Variants in TNRC6B observed in about 807,000 individuals in gnomAD.
The protein encoded by TNRC6B is trinucleotide repeat containing adaptor 6B.
A neutral mutation model predicts 203.6 loss-of-function variants in TNRC6B; 52 were observed. The ratio of observed to expected loss-of-function variants is 0.26; its 90% CI spans 0.20 to 0.32. The LOEUF (loss-of-function observed/expected upper bound fraction) is 0.32, where lower values mean the gene tolerates loss of function less well. Among genes scored for constraint, TNRC6B ranks in the 10% least tolerant of loss-of-function variants. The pLI, the probability that TNRC6B is intolerant of heterozygous loss-of-function variation, is 1.00. For synonymous variants in TNRC6B, 838 were observed against 845.7 expected, an observed-to-expected ratio of 0.99 and a Z score of 0.16; for missense variants, 1,923 against 2,286.2, an observed-to-expected ratio of 0.84 and a Z score of 3.24.
intron 1 of TNRC6B, among the ~76,000 whole-genome samples, chr22:40,079,551 A>C (rs73422381): frequency 0.044 from 6,681 of 151,640 alleles, 444 homozygotes; most frequent in African/African-American, 0.14. Flanking sequence ...TTTATTATTT[A>C]TATTTAATCC....
intron 4 of TNRC6B, among the ~76,000 whole-genome samples, chr22:40,164,267 A>G (rs924756155): frequency 6.6e-6 from 1 of 151,372 alleles, no homozygotes; most frequent in Non-Finnish European, 1.5e-5. Flanking sequence ...GGGCTCCTGT[A>G]ATCCCAGCTA....
chr22:40,245,074 C>CATTTATTTATTTATTTATTT (rs36155056), intron 1 of TNRC6B, among the ~76,000 whole-genome samples: 9 of 149,420 alleles, frequency 6.0e-5, no homozygotes, highest in African/African-American at 2.2e-4. Context: ...ATAGGACATA[C>CATTTATTTATTTATTTATTT]ATTTATTTAT....
intron 1 of TNRC6B, among the ~76,000 whole-genome samples, chr22:40,085,324 C>T (rs1423422311): frequency 6.6e-6 from 1 of 152,074 alleles, no homozygotes; most frequent in African/African-American, 2.4e-5. Context: ...AATGTAATTC[C>T]TTAATATTAC....
chr22:40,318,275 C>T (rs543611664), intron 21 of TNRC6B, among the ~76,000 whole-genome samples: 5 of 152,230 alleles, frequency 3.3e-5, no homozygotes, highest in South Asian at 4.1e-4. Context: ...CGGCCGGGCA[C>T]GGTGGCTCAC....
intron 4 of TNRC6B, among the ~76,000 whole-genome samples, chr22:40,159,777 C>G (rs1463685386): frequency 6.6e-6 from 1 of 152,008 alleles, no homozygotes; most frequent in Non-Finnish European, 1.5e-5. Flanking sequence ...TCTTCTAAGA[C>G]TTAACTTTTG....
At chr22:40,064,179 T>A (rs772154298) in intron 1 of TNRC6B, among the ~76,000 whole-genome samples, 24 of 152,188 alleles carry the variant, frequency 1.6e-4, no homozygotes, top group Non-Finnish European at 2.5e-4. Context: ...TTATACAGGA[T>A]CATGTCATCT....
At chr22:40,217,501 TG>T (rs2069651002) in intron 1 of TNRC6B, among the ~76,000 whole-genome samples, 1 of 152,152 alleles carries the variant, frequency 6.6e-6, no homozygotes, top group Non-Finnish European at 1.5e-5. Flanking sequence ...TGTAAGGCAG[TG>T]TTGGGAAGGG....
chr22:40,317,913 A>G (rs146029042), intron 21 of TNRC6B, among the ~76,000 whole-genome samples: 1 of 152,304 alleles, frequency 6.6e-6, no homozygotes, highest in East Asian at 1.9e-4. Flanking sequence ...TAATTCATAT[A>G]TGGATTCATG....
At chr22:40,173,347 C>G (rs111407624), upstream of TNRC6B, among the ~76,000 whole-genome samples, 1 of 151,656 alleles carries the variant, frequency 6.6e-6, no homozygotes, top group African/African-American at 2.4e-5. Context: ...CACCCTCGGC[C>G]TCCCAAAGTA....
intron 1 of TNRC6B, among the ~76,000 whole-genome samples, chr22:40,181,635 T>G (rs1343466388): frequency 5.3e-5 from 8 of 152,202 alleles, no homozygotes; most frequent in Admixed American, 5.2e-4. Context: ...AGGGTCCTTG[T>G]TTTAAAATTT....
At chr22:40,304,547 A>G (rs1207080504) in intron 15 of TNRC6B, among the ~76,000 whole-genome samples, 4 of 152,238 alleles carry the variant, frequency 2.6e-5, no homozygotes, top group African/African-American at 7.2e-5. Flanking sequence ...AAGTTATAAC[A>G]AGACTCCTTC....
intron 6 of TNRC6B, among the ~76,000 whole-genome samples, chr22:40,271,832 C>T (rs184224412): frequency 2.0e-5 from 3 of 152,212 alleles, no homozygotes; most frequent in Admixed American, 1.3e-4. Flanking sequence ...GTGTAATGTG[C>T]GGAAGAAAGG....
At chr22:40,234,066 G>T (rs963791526) in intron 1 of TNRC6B, among the ~76,000 whole-genome samples, 4 of 152,156 alleles carry the variant, frequency 2.6e-5, no homozygotes, top group African/African-American at 7.2e-5. Context: ...CAGGAGTATT[G>T]CTTGAGTCCA....
At position 40,265,917 on chromosome 22, in the gene TNRC6B, A is replaced by G; in HGVS notation, c.1687A>G (p.Ser563Gly). ...AQAPCWGRSS[S>G]STGSEVGGQS... is the part of the protein sequence containing the mutation. ...GGCTCCCTGTTGGGGAAGATCTTCC[A>G]GCTCCACAGGAAGTGAAGTTGGAGG... Residue 563 changes from serine (S) to glycine (G), a missense_variant, in exon 5 of 23, where the codon AGC becomes GGC. Ser to Gly is a moderately conservative substitution (Grantham distance 56). Transcript: ENST00000454349. 6.2e-7 allele frequency: 1 copy of G among 1,614,048 alleles called. No individual in the cohort carries two copies. The highest frequency in any genetic ancestry group is 8.5e-7 in the Non-Finnish European group (1 of 1,179,904).
At chr22:40,256,471 T>C (rs532993364) in intron 3 of TNRC6B, among the ~76,000 whole-genome samples, 1 of 152,224 alleles carries the variant, frequency 6.6e-6, no homozygotes, top group African/African-American at 2.4e-5. Context: ...TTTTTTGTAC[T>C]GCCCATGAGC....
chr22:40,084,468 C>T (rs2068086138), intron 1 of TNRC6B, among the ~76,000 whole-genome samples: 1 of 152,168 alleles, frequency 6.6e-6, no homozygotes, highest in South Asian at 2.1e-4. Flanking sequence ...ACCGTAGTGA[C>T]TAATTGTGCC....
chr22:40,210,642 G>A (rs2069548963), intron 1 of TNRC6B, among the ~76,000 whole-genome samples: 1 of 152,202 alleles, frequency 6.6e-6, no homozygotes, highest in Non-Finnish European at 1.5e-5. Flanking sequence ...GACTGCAGTG[G>A]AGACGGTGTT....
intron 12 of TNRC6B, among the ~76,000 whole-genome samples, chr22:40,297,895 G>C (rs1255601744): frequency 1.3e-5 from 2 of 152,120 alleles, no homozygotes; most frequent in East Asian, 3.9e-4. Flanking sequence ...GACCGAGGCA[G>C]GTGGATCACA....
chr22:40,232,863 C>T (rs946347750), intron 1 of TNRC6B, among the ~76,000 whole-genome samples: 5 of 151,968 alleles, frequency 3.3e-5, no homozygotes, highest in African/African-American at 1.2e-4. Context: ...AAAAATTAGC[C>T]GGGCGTGGCT....
Sources: allele counts gnomAD v4.1 joint callset (sites outside exome capture counted in the v4.1 genomes callset), GRCh38; gene constraint gnomAD v4.1.1; transcripts MANE v1.5; gene names NCBI Gene and HGNC (gene_info 2026-07-23, HGNC 2026-07-21).